The following PDE4D variants were observed in gnomAD, a reference collection of about 807,000 sequenced individuals.
The protein encoded by PDE4D is 3',5'-cyclic-AMP phosphodiesterase 4D.
A neutral mutation model predicts 87.4 loss-of-function variants in PDE4D; 24 were observed. The ratio of observed to expected loss-of-function variants is 0.27; its 90% CI spans 0.20 to 0.39. The LOEUF (loss-of-function observed/expected upper bound fraction) is 0.39, where lower values mean the gene tolerates loss of function less well. PDE4D is among the 10% of genes least tolerant of loss of function. The pLI is 1.00. For synonymous variants in PDE4D, 384 were observed against 383.2 expected, an observed-to-expected ratio of 1.00 and a Z score of -0.02; for missense variants, 714 against 1,041.0, an observed-to-expected ratio of 0.69 and a Z score of 4.32.
At chr5:60,366,152 A>G (rs187372508) in intron 1 of PDE4D, among the ~76,000 whole-genome samples, 4 of 152,102 alleles carry the variant, frequency 2.6e-5, no homozygotes, top group African/African-American at 4.8e-5. Context: ...GGAGCTGAGC[A>G]GGAAAGGAAT....
intron 1 of PDE4D, among the ~76,000 whole-genome samples, chr5:59,571,127 G>A (rs1821774694): frequency 6.6e-6 from 1 of 152,170 alleles, no homozygotes; most frequent in African/African-American, 2.4e-5. Context: ...ACATGAGAAT[G>A]AAAGAGATTC....
chr5:59,455,303 G>A (rs145417929), intron 1 of PDE4D, among the ~76,000 whole-genome samples: 1 of 152,194 alleles, frequency 6.6e-6, no homozygotes, highest in Admixed American at 6.5e-5. Context: ...CTAGGGACTT[G>A]GTGCCCTGTG....
chr5:59,780,079 G>T (rs1764459577), intron 1 of PDE4D, among the ~76,000 whole-genome samples: 2 of 152,122 alleles, frequency 1.3e-5, no homozygotes, highest in Non-Finnish European at 2.9e-5. Context: ...AAGAGCGTCA[G>T]TGAGCCGGGC....
chr5:59,790,969 G>T (rs538617885), intron 1 of PDE4D, among the ~76,000 whole-genome samples: 3 of 152,294 alleles, frequency 2.0e-5, no homozygotes, highest in South Asian at 4.1e-4. Context: ...TGCCCATGTG[G>T]TGAGCACAGG....
At chr5:60,189,719 A>T (rs1222790627) in intron 1 of PDE4D, among the ~76,000 whole-genome samples, 1 of 152,232 alleles carries the variant, frequency 6.6e-6, no homozygotes, top group Admixed American at 6.5e-5. Flanking sequence ...TTTCTTCTAC[A>T]TAGTAAGTCA....
chr5:59,241,347 G>A (rs187149022), intron 1 of PDE4D, among the ~76,000 whole-genome samples: 3 of 152,270 alleles, frequency 2.0e-5, no homozygotes, highest in East Asian at 1.9e-4. Flanking sequence ...TACTGCACCC[G>A]CCTGTACCAG....
intron 2 of PDE4D, among the ~76,000 whole-genome samples, chr5:60,182,370 G>T (rs1206197947): frequency 1.3e-5 from 2 of 152,130 alleles, no homozygotes; most frequent in Admixed American, 6.5e-5. Context: ...ACTACCCTTT[G>T]GGCTTAAACA....
intron 1 of PDE4D, among the ~76,000 whole-genome samples, chr5:60,216,674 T>C (rs943065866): frequency 2.6e-5 from 4 of 151,806 alleles, no homozygotes; most frequent in African/African-American, 9.7e-5. Flanking sequence ...AAACTTTAAA[T>C]CAAAAAAACT....
At chr5:59,015,371 C>T (rs1753758184) in intron 6 of PDE4D, among the ~76,000 whole-genome samples, 1 of 152,046 alleles carries the variant, frequency 6.6e-6, no homozygotes. Flanking sequence ...TGCTATCTAT[C>T]CATCTGACAA....
At chr5:59,985,124 G>GTTTTGTTTTT in intron 3 of PDE4D, among the ~76,000 whole-genome samples, 1 of 111,268 alleles carries the variant, frequency 9.0e-6, no homozygotes, top group Non-Finnish European at 1.9e-5. Context: ...TTCACCTTTC[G>GTTTTGTTTTT]TTTTTTGTTT....
At chr5:60,440,786 T>C (rs1461938036) in intron 1 of PDE4D, among the ~76,000 whole-genome samples, 1 of 152,104 alleles carries the variant, frequency 6.6e-6, no homozygotes, top group African/African-American at 2.4e-5. Context: ...ATCATTTAAT[T>C]ATTACAACAA....
At chr5:60,081,968 C>G (rs1447881937) in intron 2 of PDE4D, among the ~76,000 whole-genome samples, 1 of 152,146 alleles carries the variant, frequency 6.6e-6, no homozygotes, top group Non-Finnish European at 1.5e-5. Flanking sequence ...TACTTTACAT[C>G]TTTTTCTTCC....
At chr5:60,448,653 T>C (rs1387674034) in intron 1 of PDE4D, 2 of 152,168 alleles carry the variant, frequency 1.3e-5, no homozygotes, top group Admixed American at 6.6e-5. Context: ...CATACAAATC[T>C]GGAACAGGAG....
chr5:59,619,068 A>C (rs972474188), intron 1 of PDE4D, among the ~76,000 whole-genome samples: 1 of 152,212 alleles, frequency 6.6e-6, no homozygotes, highest in African/African-American at 2.4e-5. Flanking sequence ...CATGTATATA[A>C]AAAACTTTGG....
intron 1 of PDE4D, among the ~76,000 whole-genome samples, chr5:59,377,804 TAAA>T (rs989176675): frequency 6.6e-6 from 1 of 151,748 alleles, no homozygotes. Flanking sequence ...TGGCTAGTAT[TAAA>T]AAGTCAACTT....
intron 1 of PDE4D, among the ~76,000 whole-genome samples, chr5:59,671,223 G>C (rs1414112481): frequency 6.6e-6 from 1 of 152,106 alleles, no homozygotes; most frequent in Non-Finnish European, 1.5e-5. Flanking sequence ...GCATAGCCTT[G>C]ATTGCCTGCT....
chr5:59,806,886 C>T (rs1767796929), intron 1 of PDE4D, among the ~76,000 whole-genome samples: 1 of 152,162 alleles, frequency 6.6e-6, no homozygotes, highest in African/African-American at 2.4e-5. Flanking sequence ...TGAAAACATG[C>T]AATTTCTTTA....
chr5:60,085,302 G>A (rs1421999530), intron 2 of PDE4D, among the ~76,000 whole-genome samples: 2 of 152,130 alleles, frequency 1.3e-5, no homozygotes, highest in Non-Finnish European at 2.9e-5. Context: ...TAGCCTTAGG[G>A]TGTTTAGCCA....
At chr5:59,860,905 C>T (rs1321617733) in intron 1 of PDE4D, among the ~76,000 whole-genome samples, 1 of 151,632 alleles carries the variant, frequency 6.6e-6, no homozygotes, top group Non-Finnish European at 1.5e-5. Flanking sequence ...GTTGCCCAGG[C>T]TGGAGTGCAA....
Sources: gnomAD v4.1 joint callset for allele counts (sites outside exome capture counted in the v4.1 genomes callset) on GRCh38, gnomAD v4.1.1 for gene constraint, MANE v1.5 for transcripts, NCBI Gene and HGNC (gene_info 2026-07-23, HGNC 2026-07-21) for gene names.